EEIG2: variants seen among roughly 807,000 people sequenced by gnomAD.
EEIG2 encodes family with sequence similarity 102 member B.
the EEIG2 span, among the ~76,000 whole-genome samples, chr1:108,591,078 T>C: frequency 6.6e-6 from 1 of 152,202 alleles, no homozygotes; most frequent in Non-Finnish European, 1.5e-5. Context: ...ATTCTGTTGC[T>C]TTGTTTCTGG....
chr1:108,601,286 G>A, the EEIG2 span, among the ~76,000 whole-genome samples: 1 of 151,692 alleles, frequency 6.6e-6, no homozygotes, highest in African/African-American at 2.4e-5. Context: ...ATGTGTTTGT[G>A]CGTGTGTGTG....
the EEIG2 span, among the ~76,000 whole-genome samples, chr1:108,567,063 A>G: frequency 6.6e-6 from 1 of 152,224 alleles, no homozygotes; most frequent in African/African-American, 2.4e-5. Context: ...TGGTTTAGCA[A>G]TTTCACAATA....
the EEIG2 span, among the ~76,000 whole-genome samples, chr1:108,594,817 A>G: frequency 2.0e-5 from 3 of 152,008 alleles, no homozygotes; most frequent in Non-Finnish European, 2.9e-5. Flanking sequence ...CTCTATCTCT[A>G]TTTTACACTG....
the EEIG2 span, among the ~76,000 whole-genome samples, chr1:108,595,152 A>G: frequency 1.3e-5 from 2 of 152,176 alleles, no homozygotes; most frequent in East Asian, 3.9e-4. Flanking sequence ...TAGTATTGCC[A>G]AGGAATTCCA....
chr1:108,603,092 T>A, the EEIG2 span, among the ~76,000 whole-genome samples: 7 of 152,248 alleles, frequency 4.6e-5, no homozygotes, highest in South Asian at 1.2e-3. Context: ...CTAGACATAA[T>A]ATCCAAAACA....
the EEIG2 span, among the ~76,000 whole-genome samples, chr1:108,563,006 G>A: frequency 2.0e-5 from 3 of 152,120 alleles, no homozygotes; most frequent in African/African-American, 7.2e-5. Context: ...TAAAAGTCAG[G>A]TGTAGTTAAC....
chr1:108,561,519 G>A, the EEIG2 span, among the ~76,000 whole-genome samples: 10 of 152,032 alleles, frequency 6.6e-5, no homozygotes, highest in Non-Finnish European at 4.4e-5. Context: ...AAAAAATTCC[G>A]TCATCCCATT....
chr1:108,636,170 G>C, the EEIG2 span: 1 of 152,334 alleles, frequency 6.6e-6, no homozygotes, highest in Non-Finnish European at 1.5e-5. Context: ...TGTGTCGAAA[G>C]TGATTTGTTT....
chr1:108,562,323 C>G, the EEIG2 span, among the ~76,000 whole-genome samples: 1 of 152,072 alleles, frequency 6.6e-6, no homozygotes. Context: ...GGGTATACTC[C>G]GCAAGACTTA....
At chr1:108,576,707 T>A in the EEIG2 span, among the ~76,000 whole-genome samples, 1 of 149,208 alleles carries the variant, frequency 6.7e-6, no homozygotes, top group Admixed American at 6.7e-5. Flanking sequence ...TGTTGGACAT[T>A]TGCGTTGGTT....
At chr1:108,606,497 TA>T in the EEIG2 span, among the ~76,000 whole-genome samples, 1 of 152,212 alleles carries the variant, frequency 6.6e-6, no homozygotes, top group Admixed American at 6.5e-5. Context: ...TAGTTTGCAT[TA>T]AGCCATAGCA....
chr1:108,607,495 A>G, the EEIG2 span, among the ~76,000 whole-genome samples: 1 of 152,108 alleles, frequency 6.6e-6, no homozygotes, highest in Admixed American at 6.5e-5. Context: ...TTCCTTGTAC[A>G]CATGGGTGAA....
the EEIG2 span, among the ~76,000 whole-genome samples, chr1:108,586,719 A>G: frequency 4.1e-4 from 62 of 152,246 alleles, no homozygotes; most frequent in Non-Finnish European, 7.6e-4. Flanking sequence ...GGTTGAAGGA[A>G]GAAGATTGAA....
chr1:108,635,351 C>T, the EEIG2 span: 2 of 592,504 alleles, frequency 3.4e-6, no homozygotes, highest in Non-Finnish European at 5.9e-6. Flanking sequence ...TCTCCAGGCA[C>T]TGTGCCACTG....
chr1:108,600,544 G>T, the EEIG2 span: 2 of 1,606,298 alleles, frequency 1.2e-6, no homozygotes, highest in South Asian at 1.1e-5. Flanking sequence ...TAATTAATTG[G>T]CTCTTTTTTT....
At chr1:108,604,567 G>C in the EEIG2 span, among the ~76,000 whole-genome samples, 2 of 152,304 alleles carry the variant, frequency 1.3e-5, no homozygotes, top group East Asian at 3.9e-4. Flanking sequence ...TGCCAGTGAA[G>C]TAGGAATAAA....
At chr1:108,567,328 T>A in the EEIG2 span, among the ~76,000 whole-genome samples, 1 of 152,148 alleles carries the variant, frequency 6.6e-6, no homozygotes, top group African/African-American at 2.4e-5. Context: ...GATATTCCCG[T>A]GAGGAAGGTG....
At chr1:108,608,515 G>A in the EEIG2 span, among the ~76,000 whole-genome samples, 1 of 152,182 alleles carries the variant, frequency 6.6e-6, no homozygotes, top group East Asian at 1.9e-4. Flanking sequence ...GTTACTCAGT[G>A]AAGCCAAAGA....
At chr1:108,562,188 C>T in the EEIG2 span, among the ~76,000 whole-genome samples, 1 of 152,128 alleles carries the variant, frequency 6.6e-6, no homozygotes, top group Non-Finnish European at 1.5e-5. Context: ...CTGGTAAGTG[C>T]GATGCCAAGA....
Sources: gnomAD v4.1 joint callset for allele counts (sites outside exome capture counted in the v4.1 genomes callset) on GRCh38, gnomAD v4.1.1 for gene constraint, MANE v1.5 for transcripts, NCBI Gene and HGNC (gene_info 2026-07-23, HGNC 2026-07-21) for gene names.